GPC6: variants seen among roughly 807,000 people sequenced by gnomAD.
GPC6 encodes the protein glypican-6.
Under a neutral mutation model 55.2 loss-of-function variants are expected in GPC6, and 14 were observed. The ratio of observed to expected loss-of-function variants is 0.25; its 90% CI spans 0.17 to 0.40. The LOEUF (loss-of-function observed/expected upper bound fraction) is 0.40, where lower values mean the gene tolerates loss of function less well. Ranked by LOEUF, GPC6 falls within the 10% of genes least tolerant of loss-of-function variation. The probability of loss-of-function intolerance (pLI) is 1.00; values close to 1 mark genes in which losing one functional copy is unlikely to be tolerated. For missense variants in GPC6, 641 were observed against 708.5 expected, an observed-to-expected ratio of 0.90 and a Z score of 1.08; for synonymous variants, 278 against 259.6, an observed-to-expected ratio of 1.07 and a Z score of -0.68.
chr13:93,693,654 A>G (rs1882344388), intron 2 of GPC6, among the ~76,000 whole-genome samples: 1 of 151,938 alleles, frequency 6.6e-6, no homozygotes, highest in South Asian at 2.1e-4. Context: ...AATTTTTTGT[A>G]TTTATATTTT....
At chr13:93,231,855 T>C (rs1876074471) in intron 1 of GPC6, among the ~76,000 whole-genome samples, 1 of 152,138 alleles carries the variant, frequency 6.6e-6, no homozygotes, top group Non-Finnish European at 1.5e-5. Context: ...GTCCCAGGTA[T>C]TTTGAGAGTT....
In GPC6 at chr13:94,387,623, C is replaced by A. The variant is rs564737313; in HGVS notation, c.1289+5073C>A. Among the ~76,000 whole-genome samples, 13 of 152,290 alleles carry A rather than the reference C, an allele frequency of 8.5e-5. No individual in the cohort carries two copies. The South Asian group carries it at 2.7e-3, about 32-fold the overall frequency. On this transcript the variant is annotated intron_variant, in intron 7 of 8. Coordinates refer to ENST00000377047, the MANE Select transcript of GPC6 (RefSeq NM_005708.5). Reference sequence around the variant, plus strand: ...CGAAAATTCATAGTTGAAATCCTCACCCCTTGTGCAATCATCTTTGGAGGT... The same window carrying A: ...CGAAAATTCATAGTTGAAATCCTCAACCCTTGTGCAATCATCTTTGGAGGT...
chr13:93,916,804 G>GGGGGA (rs1168262052), intron 3 of GPC6, among the ~76,000 whole-genome samples: 1 of 152,048 alleles, frequency 6.6e-6, no homozygotes, highest in Non-Finnish European at 1.5e-5. Context: ...TTTGTGGCAT[G>GGGGGA]GGGGAGGGGA....
chr13:93,856,031 T>G (rs929713151), intron 3 of GPC6, among the ~76,000 whole-genome samples: 1 of 151,628 alleles, frequency 6.6e-6, no homozygotes, highest in East Asian at 2.0e-4. Context: ...GTTTTTAATT[T>G]TAATGAAGTC....
At chr13:93,276,295 G>T (rs539927929) in intron 1 of GPC6, among the ~76,000 whole-genome samples, 2 of 152,204 alleles carry the variant, frequency 1.3e-5, no homozygotes, top group South Asian at 4.2e-4. Context: ...AGTCCGGAAG[G>T]TTCTCCCTGG....
intron 4 of GPC6, among the ~76,000 whole-genome samples, chr13:94,086,437 G>T (rs1885285165): frequency 6.6e-6 from 1 of 151,534 alleles, no homozygotes; most frequent in Non-Finnish European, 1.5e-5. Flanking sequence ...CCAAGGACTG[G>T]GGAGAGGCAG....
At chr13:93,282,694 C>G (rs2139069537) in intron 1 of GPC6, among the ~76,000 whole-genome samples, 1 of 151,614 alleles carries the variant, frequency 6.6e-6, no homozygotes, top group Middle Eastern at 3.4e-3. Context: ...AAAATCACTG[C>G]CATCATCCCT....
intron 4 of GPC6, among the ~76,000 whole-genome samples, chr13:94,212,970 A>G (rs1324830047): frequency 6.6e-6 from 1 of 152,236 alleles, no homozygotes; most frequent in African/African-American, 2.4e-5. Flanking sequence ...AGCCTGGCCA[A>G]CATGGTGAAA....
At chr13:93,929,074 T>G (rs74109131) in intron 3 of GPC6, among the ~76,000 whole-genome samples, 2,472 of 152,248 alleles carry the variant, frequency 0.016, 73 homozygotes, top group East Asian at 0.12. Context: ...GACAATCTCA[T>G]CACCCCTGGA....
intron 2 of GPC6, among the ~76,000 whole-genome samples, chr13:93,811,347 A>G (rs1886689141): frequency 6.6e-6 from 1 of 152,194 alleles, no homozygotes; most frequent in Admixed American, 6.5e-5. Flanking sequence ...TCTTTGACAG[A>G]GTGATTGATC....
intron 1 of GPC6, among the ~76,000 whole-genome samples, chr13:93,459,606 T>A (rs941384202): frequency 6.6e-6 from 1 of 152,094 alleles, no homozygotes; most frequent in African/African-American, 2.4e-5. Context: ...TCAGAGAAAG[T>A]ATGGGTCCCC....
intron 3 of GPC6, among the ~76,000 whole-genome samples, chr13:93,979,099 C>G (rs1390048993): frequency 6.6e-6 from 1 of 152,064 alleles, no homozygotes; most frequent in African/African-American, 2.4e-5. Context: ...ACAACACTAT[C>G]CAATAGAACT....
At chr13:94,393,284 G>T (rs1880745883) in intron 7 of GPC6, among the ~76,000 whole-genome samples, 2 of 152,124 alleles carry the variant, frequency 1.3e-5, no homozygotes, top group African/African-American at 4.8e-5. Context: ...AAACATATTA[G>T]TATTTCTGCA....
At chr13:94,284,466 T>A (rs79625962) in intron 4 of GPC6, among the ~76,000 whole-genome samples, 3,845 of 152,018 alleles carry the variant, frequency 0.025, 179 homozygotes, top group African/African-American at 0.088. Flanking sequence ...GTTTTTTTTT[T>A]AATTTTTTTC....
At chr13:93,678,826 C>G (rs1350740444) in intron 2 of GPC6, among the ~76,000 whole-genome samples, 1 of 152,118 alleles carries the variant, frequency 6.6e-6, no homozygotes, top group Non-Finnish European at 1.5e-5. Flanking sequence ...CTGAACATGT[C>G]AGAATCAGTA....
At chr13:93,546,677 G>A (rs1431789567) in intron 2 of GPC6, among the ~76,000 whole-genome samples, 1 of 152,292 alleles carries the variant, frequency 6.6e-6, no homozygotes, top group African/African-American at 2.4e-5. Context: ...GGTTACTCTT[G>A]ATTATAGGTT....
intron 1 of GPC6, among the ~76,000 whole-genome samples, chr13:93,357,352 A>G (rs1880884844): frequency 6.6e-6 from 1 of 152,018 alleles, no homozygotes; most frequent in African/African-American, 2.4e-5. Flanking sequence ...TCCCCTTTTC[A>G]TTTATTCAGA....
intron 1 of GPC6, among the ~76,000 whole-genome samples, chr13:93,372,063 G>T (rs1874678002): frequency 6.6e-6 from 1 of 152,072 alleles, no homozygotes; most frequent in African/African-American, 2.4e-5. Context: ...GATACACTTT[G>T]GGATTAGCTT....
intron 6 of GPC6, among the ~76,000 whole-genome samples, chr13:94,372,361 G>C (rs1358639318): frequency 2.0e-5 from 3 of 151,680 alleles, no homozygotes; most frequent in African/African-American, 4.8e-5. Flanking sequence ...TGCGCGCACC[G>C]TGCGCGAGCC....
Sources: allele counts gnomAD v4.1 joint callset (sites outside exome capture counted in the v4.1 genomes callset), GRCh38; gene constraint gnomAD v4.1.1; transcripts MANE v1.5; gene names NCBI Gene and HGNC (gene_info 2026-07-23, HGNC 2026-07-21).